GTF2B: variants seen among roughly 807,000 people sequenced by gnomAD.
GTF2B encodes transcription initiation factor IIB.
GTF2B carries 20 observed loss-of-function variants against 34.6 expected under a neutral mutation model. The observed-to-expected ratio is 0.58, with a 90% confidence interval of 0.41 to 0.84. The LOEUF (loss-of-function observed/expected upper bound fraction) is 0.84. GTF2B is among the 40% of genes least tolerant of loss of function. The pLI, the probability that GTF2B is intolerant of heterozygous loss-of-function variation, is 0.00. For missense variants in GTF2B, 237 were observed against 393.3 expected (o/e 0.60, Z 3.36); for synonymous variants, 142 against 132.4 (o/e 1.07, Z -0.50).
chr1:88,861,845 C>CA (rs1202412433), intron 3 of GTF2B, among the ~76,000 whole-genome samples: 3 of 151,880 alleles, frequency 2.0e-5, no homozygotes, highest in Non-Finnish European at 4.4e-5. Context: ...AGAAGAAAAC[C>CA]AAAAAACCCC....
intron 2 of GTF2B, among the ~76,000 whole-genome samples, chr1:88,869,236 T>C (rs1336691863): frequency 6.6e-6 from 1 of 152,168 alleles, no homozygotes; most frequent in East Asian, 1.9e-4. Context: ...TGGGAGGATG[T>C]GCATGGGCAA....
intron 1 of GTF2B, among the ~76,000 whole-genome samples, chr1:88,890,042 C>A (rs1371962154): frequency 1.3e-5 from 2 of 151,784 alleles, no homozygotes; most frequent in Non-Finnish European, 2.9e-5. Context: ...ATAAAAAATA[C>A]TGCATTTAAC....
intron 2 of GTF2B, among the ~76,000 whole-genome samples, chr1:88,885,791 G>T (rs1487047208): frequency 6.6e-6 from 1 of 152,086 alleles, no homozygotes; most frequent in Admixed American, 6.6e-5. Flanking sequence ...ACTGAAATTT[G>T]TATTTTCACA....
chr1:88,863,880 A>G, intron 3 of GTF2B, 101 bp downstream of exon 3: 1 of 976,132 alleles, frequency 1.0e-6, no homozygotes, highest in Non-Finnish European at 1.6e-6. Flanking sequence ...ACAGGTCAAG[A>G]TTCCCCACTG....
At chr1:88,855,359 G>GTTTT (rs750561898) in intron 6 of GTF2B, among the ~76,000 whole-genome samples, 8 of 124,168 alleles carry the variant, frequency 6.4e-5, no homozygotes, top group South Asian at 2.7e-4. Flanking sequence ...TTCTGTTTTT[G>GTTTT]TTTTTTTTTT....
At chr1:88,879,408 G>A (rs981620500) in intron 2 of GTF2B, among the ~76,000 whole-genome samples, 56 of 151,732 alleles carry the variant, frequency 3.7e-4, no homozygotes, top group African/African-American at 1.2e-3. Flanking sequence ...GTGAAACCCC[G>A]TCTCTACTAA....
chr1:88,858,091 T>G (rs1673359114), intron 5 of GTF2B, among the ~76,000 whole-genome samples: 1 of 151,944 alleles, frequency 6.6e-6, no homozygotes, highest in African/African-American at 2.4e-5. Flanking sequence ...CTGCAACCTC[T>G]GCCCCCTGGG....
At chr1:88,889,548 T>C (rs576444622) in intron 1 of GTF2B, among the ~76,000 whole-genome samples, 1 of 152,380 alleles carries the variant, frequency 6.6e-6, no homozygotes, top group Middle Eastern at 3.4e-3. Context: ...AGAAAGGCAC[T>C]ATTTCACATT....
intron 2 of GTF2B, among the ~76,000 whole-genome samples, chr1:88,886,981 C>T (rs1674085343): frequency 1.3e-5 from 2 of 151,870 alleles, no homozygotes; most frequent in East Asian, 1.9e-4. Flanking sequence ...TGCAGTGGCA[C>T]GATCTCGGCT....
chr1:88,879,644 T>G (rs1384805280), intron 2 of GTF2B, among the ~76,000 whole-genome samples: 1 of 150,392 alleles, frequency 6.6e-6, no homozygotes, highest in Non-Finnish European at 1.5e-5. Context: ...GATGAGAGGG[T>G]GACATATGGC....
At chr1:88,872,457 A>AT (rs1298945257) in intron 2 of GTF2B, among the ~76,000 whole-genome samples, 9 of 99,010 alleles carry the variant, frequency 9.1e-5, no homozygotes, top group Non-Finnish European at 1.4e-4. Flanking sequence ...CATCTCAATA[A>AT]AAAAAAAAAA....
At chr1:88,860,433 T>C (rs1187083926) in intron 3 of GTF2B, 147 bp from the exon 4 acceptor site, 6 of 595,532 alleles carry the variant, frequency 1.0e-5, no homozygotes, top group Admixed American at 3.2e-5. Flanking sequence ...TAAATGAACA[T>C]GTAATTCTAA....
intron 1 of GTF2B, among the ~76,000 whole-genome samples, chr1:88,890,943 C>CT (rs1396606043): frequency 6.6e-6 from 1 of 152,082 alleles, no homozygotes; most frequent in Non-Finnish European, 1.5e-5. Context: ...CTAGCTTCCA[C>CT]TTCCGAGGCC....
In GTF2B at chr1:88,891,478, C is replaced by T. The variant is rs767612834; in HGVS notation, c.17+5G>A. ...AGCTCGCCGGGCTCGGCGGGACATA[C>T]TAACCGGCTGGTAGACGCCATCTTC... On this transcript the variant is annotated splice_donor_5th_base_variant and intron_variant, in intron 1 of 6. Transcript: ENST00000370500. 2 of 1,603,088 alleles carry T rather than the reference C, an allele frequency of 1.2e-6. No individual in the cohort carries two copies. Among genetic ancestry groups the T allele is most frequent in the South Asian group, 1.1e-5 (1 of 89,624 alleles).
At position 88,860,344 on chromosome 1, in the gene GTF2B, A is replaced by G; in HGVS notation, c.259-58T>C. ...TTTTGGAAAGCATGAAAAATGGACA[A>G]TTTCTATGAAAATATAGCTTACAAG... On this transcript the variant is annotated intron_variant, in intron 3 of 6. Coordinates refer to ENST00000370500, the MANE Select transcript of GTF2B (RefSeq NM_001514.6). The G allele has an allele frequency of 4.1e-6, 5 of 1,221,140 alleles. No individual in the cohort carries two copies. In the East Asian group the frequency reaches 1.2e-4, roughly 28 times the overall value. 75.6% of individuals were successfully genotyped at this position (1,221,140 alleles called of 1,614,324 possible). A position where few individuals can be genotyped will look rare whatever the true frequency, so the allele number is the denominator to read the frequency against.
intron 2 of GTF2B, among the ~76,000 whole-genome samples, chr1:88,884,315 T>G (rs930112297): frequency 6.6e-6 from 1 of 152,072 alleles, no homozygotes; most frequent in African/African-American, 2.4e-5. Context: ...CGTAAGCCGC[T>G]GCACCTCGCC....
chr1:88,856,271 AC>A lies in GTF2B; in HGVS notation c.817+934del, dbSNP rs1247302521. Among the ~76,000 whole-genome samples the A allele has an allele frequency of 6.8e-3, 730 of 106,600 alleles. 11 individuals carry two copies. Among genetic ancestry groups the A allele is most frequent in the African/African-American group, 0.033 (685 of 20,988 alleles). 69.9% of individuals were successfully genotyped at this position (106,600 alleles called of 152,430 possible). On this transcript the variant is annotated intron_variant, in intron 6 of 6. Coordinates refer to ENST00000370500, the MANE Select transcript of GTF2B (RefSeq NM_001514.6). ...GCAACAGAGGGAGACTGTTTCAAAA[AC>A]AAAAAAAAAAAAAAAAAACAAAAAA... is the stretch of plus-strand genomic sequence containing the variant.
At chr1:88,887,226 C>T (rs12066144) in intron 2 of GTF2B, 35 bp downstream of exon 2, 4 of 1,359,976 alleles carry the variant, frequency 2.9e-6, no homozygotes, top group East Asian at 2.3e-5. Flanking sequence ...GCCTCCTGAA[C>T]AGTAATTTAA....
At chr1:88,890,964 G>A (rs1674184801) in intron 1 of GTF2B, among the ~76,000 whole-genome samples, 1 of 151,952 alleles carries the variant, frequency 6.6e-6, no homozygotes, top group African/African-American at 2.4e-5. Flanking sequence ...CGCTGTGATG[G>A]TAACCAACCA....
Sources: allele counts gnomAD v4.1 joint callset (sites outside exome capture counted in the v4.1 genomes callset), GRCh38; gene constraint gnomAD v4.1.1; transcripts MANE v1.5; gene names NCBI Gene and HGNC (gene_info 2026-07-23, HGNC 2026-07-21).